GALK2: variants seen among roughly 807,000 people sequenced by gnomAD.
GALK2 encodes galactokinase 2, also known as N-acetylgalactosamine kinase.
In GALK2, 36 loss-of-function variants were observed where a neutral mutation model predicts 52.4. That is an observed-to-expected ratio of 0.69 (90% CI 0.53 to 0.91). The LOEUF (loss-of-function observed/expected upper bound fraction) is 0.91. Ranked by LOEUF, GALK2 falls within the 40% of genes least tolerant of loss-of-function variation. The pLI is 0.00. For missense variants in GALK2, 579 were observed against 559.1 expected (o/e 1.04, Z -0.36); for synonymous variants, 176 against 199.1 (o/e 0.88, Z 0.98).
rs532240549 is a variant in GALK2 at position 49,329,893 on chromosome 15, G to A, written c.*1734G>A. 1.2e-5 allele frequency: 5 copies of A among 434,096 alleles called. No individual in the cohort carries two copies. The Admixed American group carries it at 2.6e-4, about 22-fold the overall frequency. The allele number at this position is 434,096 out of a possible 1,614,324, so 26.9% of individuals were successfully genotyped here. A position where few individuals can be genotyped will look rare whatever the true frequency, so the allele number is the denominator to read the frequency against. ...GTGATTTCTTCTTCACAAAAGGTGA[G>A]TAAAAATTTCCAATGTGCACTCTTC... On this transcript the variant is annotated 3_prime_UTR_variant, in exon 10 of 10. Coordinates refer to ENST00000560031, the MANE Select transcript of GALK2 (RefSeq NM_002044.4).
At chr15:49,341,980 G>A (rs1056780323) in intron 3 of GALK2, among the ~76,000 whole-genome samples, 1 of 152,130 alleles carries the variant, frequency 6.6e-6, no homozygotes, top group Non-Finnish European at 1.5e-5. Context: ...CATGTTCTGT[G>A]TGCAGATGAT....
At chr15:49,210,117 C>T (rs1046520985) in intron 2 of GALK2, among the ~76,000 whole-genome samples, 3 of 152,064 alleles carry the variant, frequency 2.0e-5, no homozygotes, top group Admixed American at 6.6e-5. Flanking sequence ...AATTTGTTGG[C>T]ATAATAGTTG....
chr15:49,219,657 A>G (rs2089648550), intron 3 of GALK2, among the ~76,000 whole-genome samples: 1 of 152,104 alleles, frequency 6.6e-6, no homozygotes, highest in African/African-American at 2.4e-5. Flanking sequence ...AAGAATACAA[A>G]AAAATTAGTT....
chr15:49,192,503 A>ATATATATATG (rs1555400578), intron 1 of GALK2, among the ~76,000 whole-genome samples: 7 of 135,720 alleles, frequency 5.2e-5, no homozygotes, highest in Non-Finnish European at 4.7e-5. Flanking sequence ...ATATATATAT[A>ATATATATATG]TATATATATA....
rs1174406561 is a variant in GALK2 at position 49,228,687 on chromosome 15, ATT to A, written c.267-7141_267-7140del. Reference sequence around the variant, plus strand: ...TATATATATATATATATATATATATATTTTTTTTTTTTTTTTTTTTTTTTGCG... The same window carrying A: ...TATATATATATATATATATATATATATTTTTTTTTTTTTTTTTTTTTTGCG... On this transcript the variant is annotated intron_variant, in intron 3 of 9. Coordinates refer to ENST00000560031, the MANE Select transcript of GALK2 (RefSeq NM_002044.4). 7.7e-4 allele frequency among the ~76,000 whole-genome samples: 11 copies of A among 14,270 alleles called. 1 individual carries two copies. The highest frequency in any genetic ancestry group is 2.0e-3 in the Admixed American group (2 of 988). The allele number at this position is 14,270 out of a possible 152,430, so 9.4% of individuals were successfully genotyped here.
intron 1 of GALK2, among the ~76,000 whole-genome samples, chr15:49,172,733 A>G (rs1428819705): frequency 1.3e-5 from 2 of 151,968 alleles, no homozygotes; most frequent in Non-Finnish European, 2.9e-5. Flanking sequence ...AAGTTCTAAT[A>G]TTTTCTTTCT....
chr15:49,344,362 G>A (rs1158206610), intron 3 of GALK2: 1 of 152,084 alleles, frequency 6.6e-6, no homozygotes, highest in African/African-American at 2.4e-5. Flanking sequence ...ATGCATTCAA[G>A]TTTTATAATA....
At chr15:49,238,937 T>C (rs1463616239) in intron 4 of GALK2, among the ~76,000 whole-genome samples, 3 of 152,190 alleles carry the variant, frequency 2.0e-5, no homozygotes, top group African/African-American at 7.2e-5. Context: ...AAAAAGAACA[T>C]TCAAGGCAAT....
chr15:49,361,203 T>A (rs187652209), intron 3 of GALK2, among the ~76,000 whole-genome samples: 63 of 152,278 alleles, frequency 4.1e-4, no homozygotes, highest in African/African-American at 1.4e-3. Flanking sequence ...AATTAAAAAA[T>A]TAATTTAAAA....
intron 3 of GALK2, among the ~76,000 whole-genome samples, chr15:49,230,361 T>C (rs573928262): frequency 1.3e-5 from 2 of 152,324 alleles, no homozygotes; most frequent in African/African-American, 4.8e-5. Context: ...TGTGGACCAC[T>C]TGGGGTGTTT....
intron 1 of GALK2, among the ~76,000 whole-genome samples, chr15:49,186,927 C>G (rs143664104): frequency 6.6e-6 from 1 of 152,306 alleles, no homozygotes; most frequent in Non-Finnish European, 1.5e-5. Context: ...CTGGGAATGG[C>G]CACTGGTGCC....
At chr15:49,326,782 G>A (rs1304965277) in intron 9 of GALK2, among the ~76,000 whole-genome samples, 1 of 151,980 alleles carries the variant, frequency 6.6e-6, no homozygotes, top group Non-Finnish European at 1.5e-5. Context: ...CATTTGAAAA[G>A]CGTATTTTAA....
chr15:49,333,272 C>T (rs1449337963), downstream of GALK2, among the ~76,000 whole-genome samples: 1 of 152,168 alleles, frequency 6.6e-6, no homozygotes, highest in Admixed American at 6.5e-5. Flanking sequence ...TTTCTGATTG[C>T]CTTTCCTCTC....
rs2037875041 is a variant in GALK2, at chr15:49,328,244, T to C, written c.*85T>C. 17 of 1,497,176 alleles carry C rather than the reference T, an allele frequency of 1.1e-5. No homozygotes were observed. The South Asian group carries it at 2.3e-4, about 20-fold the overall frequency. 92.7% of individuals were successfully genotyped at this position (1,497,176 alleles called of 1,614,324 possible). On this transcript the variant is annotated 3_prime_UTR_variant, in exon 10 of 10. Coordinates refer to ENST00000560031, the MANE Select transcript of GALK2 (RefSeq NM_002044.4). ...TGTGCCACAGTAAATTAATCTTCCT[T>C]CTGTTTTGTATTATGATGAACGGTT...
chr15:49,325,759 T>G (rs1021678597), intron 9 of GALK2, among the ~76,000 whole-genome samples: 2 of 152,236 alleles, frequency 1.3e-5, no homozygotes, highest in African/African-American at 2.4e-5. Flanking sequence ...ATGTGATTGA[T>G]GCAATTCAGT....
At chr15:49,359,632 C>G (rs925716011) in intron 3 of GALK2, among the ~76,000 whole-genome samples, 3 of 128,320 alleles carry the variant, frequency 2.3e-5, no homozygotes, top group Non-Finnish European at 5.1e-5. Flanking sequence ...CACTTTTACA[C>G]TGTTGGTGGG....
In GALK2 at chr15:49,263,369, G is replaced by T. The variant is rs867050685; in HGVS notation, c.505-18618G>T. 2.2e-4 allele frequency among the ~76,000 whole-genome samples: 24 copies of T among 111,188 alleles called. No individual in the cohort carries two copies. In the East Asian group the frequency reaches 5.0e-3, roughly 23 times the overall value. 72.9% of individuals were successfully genotyped at this position (111,188 alleles called of 152,430 possible). ...GATCTTTGTTGGTTTAAAGTCTGTT[G>T]TATCAGAGACTGGGATTGCAACCCC... On this transcript the variant is annotated intron_variant, in intron 5 of 9. Transcript: ENST00000560031.
chr15:49,167,503 G>A (rs529779558), upstream of GALK2, among the ~76,000 whole-genome samples: 13 of 152,070 alleles, frequency 8.5e-5, no homozygotes, highest in Middle Eastern at 0.01. Flanking sequence ...GATTACAGGC[G>A]CCCGCCACCA....
chr15:49,240,214 T>C (rs560568903), intron 5 of GALK2, among the ~76,000 whole-genome samples: 27 of 152,288 alleles, frequency 1.8e-4, no homozygotes, highest in African/African-American at 6.5e-4. Context: ...GAGCAATGAC[T>C]GGTTGGGAGG....
Sources: gnomAD v4.1 joint callset for allele counts (sites outside exome capture counted in the v4.1 genomes callset) on GRCh38, gnomAD v4.1.1 for gene constraint, MANE v1.5 for transcripts, NCBI Gene and HGNC (gene_info 2026-07-23, HGNC 2026-07-21) for gene names.